The following TPGS2 variants were observed in gnomAD, a reference collection of about 807,000 sequenced individuals.
TPGS2 encodes polyglutamylase subunit 2.
Under a neutral mutation model 31.1 loss-of-function variants are expected in TPGS2, and 26 were observed. That is an observed-to-expected ratio of 0.84 (90% confidence interval 0.61 to 1.16). The LOEUF is 1.16. Among genes scored for constraint, TPGS2 ranks in the 50% most tolerant of loss-of-function variants. TPGS2 has a pLI of 0.00. For missense variants in TPGS2, 351 were observed against 363.8 expected (o/e 0.96, Z 0.29); for synonymous variants, 130 against 136.6 (o/e 0.95, Z 0.34).
intron 1 of TPGS2, among the ~76,000 whole-genome samples, chr18:36,820,253 G>C (rs1194380540): frequency 6.6e-6 from 1 of 152,152 alleles, no homozygotes; most frequent in African/African-American, 2.4e-5. Context: ...TAGACCTTGG[G>C]TTTGAAAGAG....
chr18:36,824,027 T>C (rs2046024443), intron 1 of TPGS2, among the ~76,000 whole-genome samples: 1 of 152,244 alleles, frequency 6.6e-6, no homozygotes, highest in African/African-American at 2.4e-5. Context: ...ATACCTATTA[T>C]ATTAGCAGTC....
In TPGS2 at chr18:36,800,274, A is replaced by G. The variant is rs2044740899; in HGVS notation, c.420T>C (p.Ser140=). ...DDQPEKPHFD[S]RSVIFELDSC... is the part of the protein sequence containing the mutation. ...AATCCAGCTCAAATATCACACTGCG[A>G]GAGTCAAAGTGAGGCTTCTCTGGCT... The change falls in exon 5 of 7, where the codon TCT becomes TCC. Residue 140 remains serine, a synonymous_variant. Coordinates refer to ENST00000334295, the MANE Select transcript of TPGS2 (RefSeq NM_015476.4). The G allele has an allele frequency of 6.2e-7, 1 of 1,614,202 alleles. No individual in the cohort carries two copies. The highest frequency in any genetic ancestry group is 1.1e-5 in the South Asian group (1 of 91,076).
intron 6 of TPGS2, chr18:36,787,102 T>A: frequency 2.4e-6 from 3 of 1,232,460 alleles, no homozygotes; most frequent in Non-Finnish European, 3.0e-6. Context: ...GAAATAGGAA[T>A]ACATGGGTCT....
At chr18:36,793,974 C>T (rs1261561380), downstream of TPGS2, 1 of 152,350 alleles carries the variant, frequency 6.6e-6, no homozygotes, top group East Asian at 1.9e-4. Context: ...ATCTCCTGAC[C>T]TCGTGATCCA....
chr18:36,808,178 T>C (rs1011673877), intron 2 of TPGS2, among the ~76,000 whole-genome samples: 1 of 152,058 alleles, frequency 6.6e-6, no homozygotes, highest in Non-Finnish European at 1.5e-5. Flanking sequence ...AATGCCTCAA[T>C]GGGCAGCCAC....
intron 6 of TPGS2, among the ~76,000 whole-genome samples, chr18:36,786,188 T>C (rs780132673): frequency 5.9e-5 from 9 of 152,050 alleles, no homozygotes; most frequent in Non-Finnish European, 7.4e-5. Flanking sequence ...CAGAAATAAA[T>C]GTCTTGTCCA....
downstream of TPGS2, among the ~76,000 whole-genome samples, chr18:36,792,575 A>G (rs537301147): frequency 6.6e-6 from 1 of 152,322 alleles, no homozygotes; most frequent in East Asian, 1.9e-4. Flanking sequence ...ATTAAGTAAC[A>G]AATTTCAGAT....
rs370590559 is a variant in TPGS2 at position 36,799,684 on chromosome 18, C to G, written c.496+514G>C. Among the ~76,000 whole-genome samples, 13 of 152,294 alleles carry G rather than the reference C, an allele frequency of 8.5e-5. No individual in the cohort carries two copies. In the East Asian group the frequency reaches 1.9e-3, roughly 23 times the overall value. ...CTACCAGACAGCTAGCTGAAGAGGG[C>G]TGCCATTGTCCAGCTCTGTAGTTTC... is the stretch of plus-strand genomic sequence containing the variant. On this transcript the variant is annotated intron_variant, in intron 5 of 6. Coordinates refer to ENST00000334295, the MANE Select transcript of TPGS2 (RefSeq NM_015476.4).
intron 2 of TPGS2, among the ~76,000 whole-genome samples, chr18:36,811,812 G>A (rs907662882): frequency 3.9e-5 from 6 of 152,138 alleles, no homozygotes; most frequent in Non-Finnish European, 8.8e-5. Flanking sequence ...ATACTGTGTG[G>A]GGCACTAGAA....
chr18:36,824,236 T>C (rs2046033984), intron 1 of TPGS2, among the ~76,000 whole-genome samples: 1 of 152,262 alleles, frequency 6.6e-6, no homozygotes, highest in Non-Finnish European at 1.5e-5. Flanking sequence ...TATATGGATA[T>C]ATCACATTTT....
At chr18:36,797,744 T>G (rs2150563583) in intron 6 of TPGS2, among the ~76,000 whole-genome samples, 1 of 151,668 alleles carries the variant, frequency 6.6e-6, no homozygotes, top group African/African-American at 2.4e-5. Flanking sequence ...CCAGATGAGC[T>G]CATTCTAGTC....
At chr18:36,812,000 T>C (rs936769418) in intron 2 of TPGS2, among the ~76,000 whole-genome samples, 7 of 152,244 alleles carry the variant, frequency 4.6e-5, no homozygotes, top group Non-Finnish European at 8.8e-5. Flanking sequence ...CATTAAAATG[T>C]AAACACAAGT....
downstream of TPGS2, among the ~76,000 whole-genome samples, chr18:36,790,662 G>A (rs138609725): frequency 2.0e-5 from 3 of 152,320 alleles, no homozygotes; most frequent in East Asian, 5.8e-4. Flanking sequence ...GACAGGGATG[G>A]TCTGTGGGCT....
rs1010922326 is a variant in TPGS2, at chr18:36,827,265, C to A, written c.85+1418G>T. On this transcript the variant is annotated intron_variant, in intron 1 of 6. Coordinates refer to ENST00000334295, the MANE Select transcript of TPGS2 (RefSeq NM_015476.4). ...ACACAAATTTTAAAAATCAACCAAA[C>A]AAATACATAATTTCAAGTAGTGAAA... 3.1e-4 allele frequency among the ~76,000 whole-genome samples: 47 copies of A among 152,188 alleles called. 1 individual carries two copies. The highest frequency in any genetic ancestry group is 1.1e-3 in the African/African-American group (46 of 41,540).
intron 6 of TPGS2, chr18:36,783,262 T>C (rs1016454750): frequency 2.6e-6 from 1 of 382,398 alleles, no homozygotes; most frequent in African/African-American, 2.1e-5. Context: ...ATGAGCAATT[T>C]TTAATTCAGG....
intron 2 of TPGS2, among the ~76,000 whole-genome samples, chr18:36,813,143 A>C (rs2045503132): frequency 6.6e-6 from 1 of 152,260 alleles, no homozygotes; most frequent in African/African-American, 2.4e-5. Flanking sequence ...TCTTTCCTTA[A>C]GCCAAACATA....
chr18:36,798,211 A>C (rs2044627516), intron 6 of TPGS2: 1 of 1,359,602 alleles, frequency 7.4e-7, no homozygotes, highest in South Asian at 1.8e-5. Context: ...ATTTCATTAA[A>C]AATAAAACTC....
chr18:36,782,585 T>C (rs8099631), downstream of TPGS2, among the ~76,000 whole-genome samples: 372 of 152,276 alleles, frequency 2.4e-3, 2 homozygotes, highest in African/African-American at 8.6e-3. Context: ...TCTCTCTCTT[T>C]TTTTGGTGGG....
At chr18:36,803,042 C>T (rs1198527125) in intron 4 of TPGS2, among the ~76,000 whole-genome samples, 1 of 152,000 alleles carries the variant, frequency 6.6e-6, no homozygotes. Flanking sequence ...TGGAGAACAA[C>T]ACGCTATTTT....
Sources: gnomAD v4.1 joint callset for allele counts (sites outside exome capture counted in the v4.1 genomes callset) on GRCh38, gnomAD v4.1.1 for gene constraint, MANE v1.5 for transcripts, NCBI Gene and HGNC (gene_info 2026-07-23, HGNC 2026-07-21) for gene names.